Variants in TLL1 observed in about 807,000 individuals in gnomAD.
TLL1 encodes the protein tolloid like 1, also known as tolloid-like protein 1.
Under a neutral mutation model 128.2 loss-of-function variants are expected in TLL1, and 49 were observed. The ratio of observed to expected loss-of-function variants is 0.38; its 90% CI spans 0.30 to 0.48. The LOEUF (loss-of-function observed/expected upper bound fraction) is 0.48. Ranked by LOEUF, TLL1 falls within the 20% of genes least tolerant of loss-of-function variation. The pLI, the probability that TLL1 is intolerant of heterozygous loss-of-function variation, is 0.96. For synonymous variants in TLL1, 454 were observed against 418.8 expected (o/e 1.08, Z -1.03); for missense variants, 1,123 against 1,242.0 (o/e 0.90, Z 1.44).
At chr4:166,057,407 T>C (rs987424178) in intron 14 of TLL1, 98 bp downstream of exon 14, 21 of 1,516,230 alleles carry the variant, frequency 1.4e-5, no homozygotes, top group Non-Finnish European at 1.8e-5. Flanking sequence ...CCCTTTTTCC[T>C]ATAGTGACCT....
At chr4:165,898,064 T>C (rs183094681) in intron 1 of TLL1, among the ~76,000 whole-genome samples, 24 of 152,340 alleles carry the variant, frequency 1.6e-4, no homozygotes, top group African/African-American at 5.8e-4. Context: ...GCTTGTGATT[T>C]TTGCACATTG....
chr4:165,986,651 A>G (rs905046271), intron 1 of TLL1, among the ~76,000 whole-genome samples: 9 of 152,022 alleles, frequency 5.9e-5, no homozygotes, highest in African/African-American at 2.2e-4. Context: ...TATGTCCTCC[A>G]GAACTGTTTT....
chr4:165,922,986 A>C (rs186209073), intron 1 of TLL1, among the ~76,000 whole-genome samples: 3 of 152,134 alleles, frequency 2.0e-5, no homozygotes, highest in Admixed American at 2.0e-4. Context: ...TCAAGTAGGG[A>C]TATCATTAGC....
chr4:165,980,420 T>C (rs1200455846), intron 1 of TLL1, among the ~76,000 whole-genome samples: 1 of 152,162 alleles, frequency 6.6e-6, no homozygotes, highest in African/African-American at 2.4e-5. Flanking sequence ...ATATTCTTCT[T>C]GAATTTAAAT....
chr4:165,904,983 G>T (rs756722116), intron 1 of TLL1, among the ~76,000 whole-genome samples: 1 of 152,114 alleles, frequency 6.6e-6, no homozygotes, highest in Non-Finnish European at 1.5e-5. Flanking sequence ...CTATTAGAAC[G>T]TCTCAGATAG....
chr4:166,096,944 C>T (rs527596675), intron 19 of TLL1, among the ~76,000 whole-genome samples: 9 of 151,970 alleles, frequency 5.9e-5, no homozygotes, highest in East Asian at 3.9e-4. Flanking sequence ...CTGAGTGGAT[C>T]GTAGAGTACA....
chr4:166,073,969 C>G (rs1445765781), intron 16 of TLL1, among the ~76,000 whole-genome samples: 2 of 152,068 alleles, frequency 1.3e-5, no homozygotes, highest in East Asian at 3.9e-4. Flanking sequence ...GACGTGCCAT[C>G]ATGAATGTGT....
At chr4:165,951,274 T>C (rs2044448886) in intron 1 of TLL1, among the ~76,000 whole-genome samples, 1 of 151,878 alleles carries the variant, frequency 6.6e-6, no homozygotes, top group South Asian at 2.1e-4. Flanking sequence ...ACAGAGAAAA[T>C]GTCAGATGCA....
chr4:165,884,201 T>C (rs867526962), intron 1 of TLL1, among the ~76,000 whole-genome samples: 3 of 152,212 alleles, frequency 2.0e-5, no homozygotes, highest in Non-Finnish European at 2.9e-5. Context: ...AGGTAGATGA[T>C]TGCTCATGTG....
intron 1 of TLL1, among the ~76,000 whole-genome samples, chr4:165,948,560 T>G (rs988481460): frequency 1.3e-5 from 2 of 152,114 alleles, no homozygotes; most frequent in African/African-American, 4.8e-5. Flanking sequence ...ATGAAGGCTT[T>G]CCTGCTGATG....
intron 1 of TLL1, among the ~76,000 whole-genome samples, chr4:165,881,944 C>T (rs910765784): frequency 6.6e-6 from 1 of 152,108 alleles, no homozygotes; most frequent in Admixed American, 6.5e-5. Context: ...TCGGAGTATT[C>T]ATTGAATTCA....
chr4:166,044,120 G>T (rs2111095733), intron 12 of TLL1, among the ~76,000 whole-genome samples: 1 of 152,234 alleles, frequency 6.6e-6, no homozygotes, highest in Middle Eastern at 3.4e-3. Context: ...ATCAGAGTTG[G>T]TCTAGTAATT....
intron 1 of TLL1, among the ~76,000 whole-genome samples, chr4:165,938,780 CTT>C (rs11383521): frequency 1.1e-4 from 15 of 141,378 alleles, no homozygotes; most frequent in Admixed American, 1.4e-4. Context: ...TCCTTAAAAT[CTT>C]TTTTTTTTTT....
chr4:166,013,728 C>T (rs919983701), intron 7 of TLL1, among the ~76,000 whole-genome samples: 1 of 151,620 alleles, frequency 6.6e-6, no homozygotes, highest in African/African-American at 2.4e-5. Context: ...TTAGATCATG[C>T]ATATTAGGAA....
rs370671781 is a variant in TLL1, at chr4:165,873,890, C to G, written c.-15C>G. 7 of 1,613,342 alleles carry G rather than the reference C, an allele frequency of 4.3e-6. No individual in the cohort carries two copies. Among genetic ancestry groups the G allele is most frequent in the African/African-American group, 4.0e-5 (3 of 74,896 alleles). On this transcript the variant is annotated 5_prime_UTR_variant, in exon 1 of 21. Transcript: ENST00000061240. ...CTCTGGGTCCCGTCCCCTCCTTTTCCTCCGGGGGAGGAGGATGGGGTTGGG... is the reference window on the plus strand; with the variant it reads ...CTCTGGGTCCCGTCCCCTCCTTTTCGTCCGGGGGAGGAGGATGGGGTTGGG...
At chr4:166,076,376 GT>G (rs1204267009) in intron 17 of TLL1, among the ~76,000 whole-genome samples, 9 of 152,174 alleles carry the variant, frequency 5.9e-5, no homozygotes, top group African/African-American at 1.9e-4. Flanking sequence ...CTTGGCCCAG[GT>G]TTTTATTTTT....
chr4:166,012,348 G>A (rs1418408764), intron 7 of TLL1, among the ~76,000 whole-genome samples: 1 of 151,476 alleles, frequency 6.6e-6, no homozygotes, highest in Non-Finnish European at 1.5e-5. Flanking sequence ...AAAAGCATGA[G>A]TGACTAACTC....
intron 1 of TLL1, among the ~76,000 whole-genome samples, chr4:165,942,866 A>G (rs1330781671): frequency 2.6e-5 from 4 of 151,996 alleles, no homozygotes; most frequent in African/African-American, 4.8e-5. Context: ...GTAATCACAT[A>G]TGGACATTTT....
At chr4:166,087,963 T>C (rs1741599515) in intron 18 of TLL1, among the ~76,000 whole-genome samples, 1 of 152,176 alleles carries the variant, frequency 6.6e-6, no homozygotes, top group African/African-American at 2.4e-5. Flanking sequence ...TTTTTGGCCT[T>C]TCTAAAACCC....
Sources: gnomAD v4.1 joint callset for allele counts (sites outside exome capture counted in the v4.1 genomes callset) on GRCh38, gnomAD v4.1.1 for gene constraint, MANE v1.5 for transcripts, NCBI Gene and HGNC (gene_info 2026-07-23, HGNC 2026-07-21) for gene names.